GLIS3: variants seen among roughly 807,000 people sequenced by gnomAD.
The protein encoded by GLIS3 is zinc finger protein GLIS3.
GLIS3 carries 53 observed loss-of-function variants against 78.6 expected under a neutral mutation model. That is an observed-to-expected ratio of 0.67 (90% CI 0.54 to 0.85). The LOEUF (loss-of-function observed/expected upper bound fraction) is 0.85. Among genes scored for constraint, GLIS3 ranks in the 40% least tolerant of loss-of-function variants. GLIS3 has a pLI of 0.00. For synonymous variants in GLIS3, 684 were observed against 509.9 expected, an observed-to-expected ratio of 1.34 and a Z score of -4.60; for missense variants, 1,703 against 1,231.1, an observed-to-expected ratio of 1.38 and a Z score of -5.74.
chr9:4,300,752 G>A (rs1274649808), upstream of GLIS3, among the ~76,000 whole-genome samples: 3 of 151,792 alleles, frequency 2.0e-5, no homozygotes, highest in African/African-American at 7.3e-5. Context: ...GTGTTGACCA[G>A]AGCCCTCAAA....
the GLIS3 span, among the ~76,000 whole-genome samples, chr9:4,476,363 T>G: frequency 6.6e-6 from 1 of 151,978 alleles, no homozygotes; most frequent in African/African-American, 2.4e-5. Context: ...GGTTTTTTTG[T>G]TTTTGTTTTT....
At chr9:4,381,468 G>C in the GLIS3 span, among the ~76,000 whole-genome samples, 3 of 152,190 alleles carry the variant, frequency 2.0e-5, no homozygotes, top group South Asian at 6.2e-4. Flanking sequence ...CAAATGGATG[G>C]GTAAATCAAG....
At chr9:4,453,661 T>C in the GLIS3 span, among the ~76,000 whole-genome samples, 2 of 152,154 alleles carry the variant, frequency 1.3e-5, no homozygotes, top group Non-Finnish European at 2.9e-5. Flanking sequence ...TGGAATACTA[T>C]GCAGCCATAA....
the GLIS3 span, among the ~76,000 whole-genome samples, chr9:4,455,978 G>A: frequency 2.0e-5 from 3 of 152,078 alleles, no homozygotes; most frequent in African/African-American, 7.2e-5. Context: ...GCCGGGTGTG[G>A]TGTTGCACAC....
At chr9:3,841,989 C>A (rs929828555) in intron 9 of GLIS3, among the ~76,000 whole-genome samples, 3 of 152,172 alleles carry the variant, frequency 2.0e-5, no homozygotes, top group African/African-American at 7.2e-5. Flanking sequence ...ACAAGGGAAG[C>A]ATGGTAAAGA....
chr9:3,936,896 C>G, intron 5 of GLIS3, 132 bp downstream of exon 5: 1 of 1,225,872 alleles, frequency 8.2e-7, no homozygotes, highest in Non-Finnish European at 1.2e-6. Context: ...TTACCAGGCT[C>G]CACTGCTGCC....
At chr9:4,213,289 C>G (rs529407656) in intron 2 of GLIS3, among the ~76,000 whole-genome samples, 1 of 152,306 alleles carries the variant, frequency 6.6e-6, no homozygotes, top group East Asian at 1.9e-4. Context: ...GAAGCCATCC[C>G]TGACAACCCA....
chr9:4,269,496 C>G (rs986163985), intron 2 of GLIS3, among the ~76,000 whole-genome samples: 1 of 152,152 alleles, frequency 6.6e-6, no homozygotes, highest in Non-Finnish European at 1.5e-5. Flanking sequence ...AGTTATATCG[C>G]TGAAAGCAAA....
At chr9:3,922,875 A>G (rs1824982084) in intron 6 of GLIS3, among the ~76,000 whole-genome samples, 1 of 152,194 alleles carries the variant, frequency 6.6e-6, no homozygotes, top group South Asian at 2.1e-4. Flanking sequence ...GAAAGATTCT[A>G]CGAAGAATAA....
chr9:3,956,028 C>CAAAAAA (rs5896037), intron 4 of GLIS3, among the ~76,000 whole-genome samples: 6 of 87,590 alleles, frequency 6.9e-5, no homozygotes, highest in South Asian at 4.4e-4. Context: ...CCAGATTCAG[C>CAAAAAA]AAAAAAAAAA....
chr9:4,478,716 A>G, the GLIS3 span, among the ~76,000 whole-genome samples: 1 of 152,352 alleles, frequency 6.6e-6, no homozygotes, highest in South Asian at 2.1e-4. Flanking sequence ...CCTTTTCTGT[A>G]TAAAATCTAT....
intron 2 of GLIS3, among the ~76,000 whole-genome samples, chr9:4,128,252 C>A (rs184912100): frequency 6.6e-6 from 1 of 152,218 alleles, no homozygotes; most frequent in South Asian, 2.1e-4. Flanking sequence ...TCCTCCACTA[C>A]CTGTTAGGCA....
intron 2 of GLIS3, among the ~76,000 whole-genome samples, chr9:4,254,667 C>G (rs539108454): frequency 1.1e-4 from 16 of 151,720 alleles, no homozygotes; most frequent in South Asian, 4.2e-4. Flanking sequence ...TGGTGAAACC[C>G]CATCTCTACT....
intron 2 of GLIS3, among the ~76,000 whole-genome samples, chr9:4,127,988 T>C (rs1468362106): frequency 1.3e-5 from 2 of 152,232 alleles, no homozygotes; most frequent in African/African-American, 4.8e-5. Context: ...ACCATTATTT[T>C]ACGTACCAGT....
At chr9:4,457,766 C>A in the GLIS3 span, among the ~76,000 whole-genome samples, 1 of 150,730 alleles carries the variant, frequency 6.6e-6, no homozygotes, top group Non-Finnish European at 1.5e-5. Flanking sequence ...AGAAGAATCA[C>A]TTGAACCCGG....
chr9:3,838,198 G>C (rs1458395300), intron 9 of GLIS3, among the ~76,000 whole-genome samples: 1 of 152,186 alleles, frequency 6.6e-6, no homozygotes, highest in Non-Finnish European at 1.5e-5. Context: ...ACTAAGACTA[G>C]TACCTGGCAT....
intron 4 of GLIS3, among the ~76,000 whole-genome samples, chr9:4,097,909 A>T (rs1010375187): frequency 3.9e-5 from 6 of 152,054 alleles, no homozygotes; most frequent in East Asian, 1.9e-4. Context: ...CATATTTTCA[A>T]TTTTTTTTGT....
chr9:4,155,504 G>C (rs759540179), intron 2 of GLIS3, among the ~76,000 whole-genome samples: 2 of 152,078 alleles, frequency 1.3e-5, no homozygotes, highest in Non-Finnish European at 2.9e-5. Flanking sequence ...TGTTTTCTTT[G>C]CTGAACTCAA....
rs112342397 is a variant in GLIS3, at chr9:3,942,339, T to C, written c.1711-5150A>G. ...AATTAATCCCATTAGTGATGGCTGA[T>C]GTTAAGACATGCAGCAAGAACTGAC... On this transcript the variant is annotated intron_variant, in intron 4 of 10. Transcript: ENST00000381971. 5.1e-3 allele frequency among the ~76,000 whole-genome samples: 778 copies of C among 152,290 alleles called. 7 individuals carry two copies. The highest frequency in any genetic ancestry group is 0.018 in the African/African-American group (750 of 41,566).
Sources: gnomAD v4.1 joint callset for allele counts (sites outside exome capture counted in the v4.1 genomes callset) on GRCh38, gnomAD v4.1.1 for gene constraint, MANE v1.5 for transcripts, NCBI Gene and HGNC (gene_info 2026-07-23, HGNC 2026-07-21) for gene names.